LEKR1: variants seen among roughly 807,000 people sequenced by gnomAD.
LEKR1 encodes leucine, glutamate and lysine rich 1.
In LEKR1, 59 loss-of-function variants were observed where a neutral mutation model predicts 72.4. That is an observed-to-expected ratio of 0.82 (90% confidence interval 0.66 to 1.01). LEKR1 has a LOEUF of 1.01. Among genes scored for constraint, LEKR1 ranks in the 50% least tolerant of loss-of-function variants. The pLI is 0.00. For missense variants in LEKR1, 728 were observed against 759.2 expected, an observed-to-expected ratio of 0.96 and a Z score of 0.48; for synonymous variants, 257 against 263.2, an observed-to-expected ratio of 0.98 and a Z score of 0.23.
chr3:157,013,594 T>G (rs916445645), intron 10 of LEKR1, among the ~76,000 whole-genome samples: 5 of 152,106 alleles, frequency 3.3e-5, no homozygotes, highest in African/African-American at 1.2e-4. Flanking sequence ...AAATGGACAT[T>G]TCATTTCGTT....
At chr3:156,842,133 C>A (rs1198632606) in intron 2 of LEKR1, among the ~76,000 whole-genome samples, 1 of 152,190 alleles carries the variant, frequency 6.6e-6, no homozygotes, top group Non-Finnish European at 1.5e-5. Context: ...TTGTCTTCCA[C>A]AAAATCAGTC....
chr3:157,043,115 G>T (rs1045229146), intron 12 of LEKR1, among the ~76,000 whole-genome samples: 1 of 152,018 alleles, frequency 6.6e-6, no homozygotes, highest in Non-Finnish European at 1.5e-5. Context: ...TCCTGCTCCC[G>T]CCATGTAAGA....
intron 9 of LEKR1, among the ~76,000 whole-genome samples, chr3:157,000,519 G>A (rs139586753): frequency 8.5e-5 from 13 of 152,156 alleles, no homozygotes; most frequent in South Asian, 4.2e-4. Context: ...TATCTGTAAC[G>A]TGGGCATTTT....
intron 9 of LEKR1, among the ~76,000 whole-genome samples, chr3:157,000,834 T>C (rs74980580): frequency 0.011 from 1,751 of 152,304 alleles, 37 homozygotes; most frequent in African/African-American, 0.04. Flanking sequence ...GTAATTCCCA[T>C]AATCTCCAGG....
At chr3:157,036,683 G>A (rs892652362) in intron 12 of LEKR1, among the ~76,000 whole-genome samples, 2 of 152,170 alleles carry the variant, frequency 1.3e-5, no homozygotes, top group African/African-American at 4.8e-5. Context: ...CAGGATAATG[G>A]TGGGAAGAAA....
chr3:157,006,667 T>G (rs1732463513), intron 9 of LEKR1, among the ~76,000 whole-genome samples: 1 of 152,166 alleles, frequency 6.6e-6, no homozygotes, highest in African/African-American at 2.4e-5. Flanking sequence ...GGACTACTAC[T>G]CAGCAATAAA....
chr3:157,027,264 T>C (rs1305551823), intron 11 of LEKR1, among the ~76,000 whole-genome samples: 2 of 152,114 alleles, frequency 1.3e-5, no homozygotes, highest in African/African-American at 2.4e-5. Flanking sequence ...GACTACCATA[T>C]TGGATAGCAT....
In LEKR1 at chr3:156,973,200, A is replaced by C. The variant is rs563983598; in HGVS notation, c.746-5994A>C. 3.2e-4 allele frequency among the ~76,000 whole-genome samples: 49 copies of C among 152,240 alleles called. 1 individual carries two copies. The South Asian group carries it at 9.7e-3, about 30-fold the overall frequency. Reference sequence around the variant, plus strand: ...TTCATTCTTTCAGTGATTATTTTTTAATCAACTTCCATGTCTCAAGCACTA... The same window carrying C: ...TTCATTCTTTCAGTGATTATTTTTTCATCAACTTCCATGTCTCAAGCACTA... On this transcript the variant is annotated intron_variant, in intron 6 of 12. Transcript: ENST00000356539.
chr3:157,020,255 TTTATTATTATTATTA>T (rs139276879), intron 10 of LEKR1, among the ~76,000 whole-genome samples: 29 of 140,378 alleles, frequency 2.1e-4, no homozygotes, highest in African/African-American at 6.8e-4. Flanking sequence ...CTGATTTTCT[TTTATTATTATTATTA>T]TTATTATTAT....
intron 4 of LEKR1, 156 bp downstream of exon 4, chr3:156,920,850 A>G (rs905206279): frequency 1.0e-5 from 5 of 485,114 alleles, no homozygotes; most frequent in African/African-American, 4.1e-5. Context: ...TTTTTAAACC[A>G]TTATCTCAAT....
At chr3:156,982,855 G>GATAGATAGA (rs1553820692) in intron 7 of LEKR1, among the ~76,000 whole-genome samples, 1 of 139,998 alleles carries the variant, frequency 7.1e-6, no homozygotes, top group African/African-American at 3.0e-5. Flanking sequence ...GTGTGTGTGT[G>GATAGATAGA]TAGATAGATA....
chr3:156,971,566 G>A (rs1729198313), intron 6 of LEKR1, among the ~76,000 whole-genome samples: 1 of 152,024 alleles, frequency 6.6e-6, no homozygotes, highest in African/African-American at 2.4e-5. Flanking sequence ...CTACAAAATG[G>A]GAGAAAATTT....
chr3:156,950,666 G>C (rs1727077031), intron 6 of LEKR1, among the ~76,000 whole-genome samples: 1 of 151,106 alleles, frequency 6.6e-6, no homozygotes, highest in South Asian at 2.1e-4. Context: ...ATGGCTTTTG[G>C]CTTGGCTGTT....
At chr3:157,021,985 ACTTAT>A (rs1304410693) in intron 10 of LEKR1, among the ~76,000 whole-genome samples, 2 of 152,054 alleles carry the variant, frequency 1.3e-5, no homozygotes, top group Non-Finnish European at 2.9e-5. Flanking sequence ...TATATTCTTG[ACTTAT>A]CTATGCCAGA....
intron 6 of LEKR1, among the ~76,000 whole-genome samples, chr3:156,977,161 A>ACT (rs1729767003): frequency 1.3e-5 from 2 of 152,024 alleles, no homozygotes; most frequent in South Asian, 4.2e-4. Context: ...TTGGCGTGCC[A>ACT]CTCTCCATGC....
intron 3 of LEKR1, among the ~76,000 whole-genome samples, chr3:156,881,859 T>C (rs1242991950): frequency 7.0e-6 from 1 of 143,326 alleles, no homozygotes; most frequent in East Asian, 2.0e-4. Flanking sequence ...TATCTACAAC[T>C]ATCTGATCTT....
chr3:156,831,756 A>G (rs1306256198), intron 2 of LEKR1, among the ~76,000 whole-genome samples: 1 of 152,280 alleles, frequency 6.6e-6, no homozygotes, highest in East Asian at 1.9e-4. Context: ...ATTATCTCCC[A>G]CCAGGTCCCC....
chr3:156,927,482 C>T lies in LEKR1; in HGVS notation c.437C>T (p.Thr146Ile). The T allele has an allele frequency of 8.4e-7, 1 of 1,185,982 alleles. No homozygotes were observed. The highest frequency in any genetic ancestry group is 1.5e-5 in the South Asian group (1 of 66,130). 73.5% of individuals were successfully genotyped at this position (1,185,982 alleles called of 1,614,324 possible). ...YFWNKTLSLL[T>I]FTKRELTSIK... Reference sequence around the variant, plus strand: ...TGGAATAAGACTCTTTCATTACTTACTTTTACTAAAAGGGAACTAACCAGT... The same window carrying T: ...TGGAATAAGACTCTTTCATTACTTATTTTTACTAAAAGGGAACTAACCAGT... The change falls in exon 5 of 13, where the codon ACT becomes ATT. Residue 146 changes from threonine to isoleucine, a missense_variant. Thr to Ile is a moderately conservative substitution (Grantham distance 89). Transcript: ENST00000356539.
At chr3:157,028,018 G>A in intron 11 of LEKR1, 85 bp from the exon 12 acceptor site, 2 of 911,594 alleles carry the variant, frequency 2.2e-6, no homozygotes, top group Non-Finnish European at 3.3e-6. Context: ...ACTGATTAAT[G>A]AAAATAAACC....
Sources: allele counts gnomAD v4.1 joint callset (sites outside exome capture counted in the v4.1 genomes callset), GRCh38; gene constraint gnomAD v4.1.1; transcripts MANE v1.5; gene names NCBI Gene and HGNC (gene_info 2026-07-23, HGNC 2026-07-21).